Variants in PALD1 observed in about 807,000 individuals in gnomAD.
PALD1 encodes phosphatase domain containing paladin 1.
A neutral mutation model predicts 96.0 loss-of-function variants in PALD1; 57 were observed. That is an observed-to-expected ratio of 0.59 (90% CI 0.48 to 0.74). The LOEUF (loss-of-function observed/expected upper bound fraction) is 0.74. PALD1 is among the 30% of genes least tolerant of loss of function. PALD1 has a pLI of 0.00. For missense variants in PALD1, 1,063 were observed against 1,143.7 expected, an observed-to-expected ratio of 0.93 and a Z score of 1.02; for synonymous variants, 464 against 473.6, an observed-to-expected ratio of 0.98 and a Z score of 0.26.
In PALD1 at chr10:70,548,829, C is replaced by T. The variant is rs1287646871; in HGVS notation, c.2262+1383C>T. Among the ~76,000 whole-genome samples, 5 of 152,118 alleles carry T rather than the reference C, an allele frequency of 3.3e-5. No individual in the cohort carries two copies. In the East Asian group the frequency reaches 9.6e-4, roughly 29 times the overall value. On this transcript the variant is annotated intron_variant, in intron 18 of 19. Transcript: ENST00000263563. ...CCCTGATTGGGGCAAAGGGTGGATG[C>T]CTAGCTGGAAGGCAGGGCAAGGCAT...
intron 19 of PALD1, 83 bp from the exon 20 acceptor site, chr10:70,566,498 A>G: frequency 9.4e-7 from 1 of 1,059,684 alleles, no homozygotes; most frequent in Non-Finnish European, 1.4e-6. Flanking sequence ...TTCACAGGCC[A>G]CAGACTCATC....
intron 18 of PALD1, among the ~76,000 whole-genome samples, chr10:70,557,234 G>A (rs1311197760): frequency 6.6e-6 from 1 of 152,206 alleles, no homozygotes; most frequent in Non-Finnish European, 1.5e-5. Flanking sequence ...CCCTTGCTCT[G>A]TGTGCTTTGA....
chr10:70,528,201 G>A (rs1040004629), intron 2 of PALD1, among the ~76,000 whole-genome samples: 4 of 152,184 alleles, frequency 2.6e-5, no homozygotes, highest in Admixed American at 6.5e-5. Flanking sequence ...TTAACTCTGG[G>A]AGGCTCTGTC....
At chr10:70,477,708 C>T (rs1845847851), upstream of PALD1, among the ~76,000 whole-genome samples, 1 of 152,104 alleles carries the variant, frequency 6.6e-6, no homozygotes, top group Admixed American at 6.5e-5. Flanking sequence ...TTCCCCTCTC[C>T]CAGCCCAGCG....
intron 19 of PALD1, 43 bp from the exon 20 acceptor site, chr10:70,566,538 T>A (rs764249894): frequency 1.2e-5 from 19 of 1,524,764 alleles, no homozygotes; most frequent in Non-Finnish European, 1.6e-5. Flanking sequence ...AGTGGCACCC[T>A]CCCTCCCCTG....
chr10:70,482,930 A>T (rs189721908), intron 1 of PALD1, among the ~76,000 whole-genome samples: 106 of 152,282 alleles, frequency 7.0e-4, no homozygotes, highest in African/African-American at 2.4e-3. Flanking sequence ...AGAGGCCAGG[A>T]TGCTTGCACA....
At chr10:70,506,098 C>T (rs1274636700) in intron 1 of PALD1, among the ~76,000 whole-genome samples, 3 of 152,188 alleles carry the variant, frequency 2.0e-5, no homozygotes, top group African/African-American at 7.2e-5. Context: ...ATTCTTGGGC[C>T]TTACATGCAC....
chr10:70,564,578 G>A, intron 19 of PALD1, 59 bp downstream of exon 19: 1 of 1,546,050 alleles, frequency 6.5e-7, no homozygotes, highest in Non-Finnish European at 8.9e-7. Context: ...ATGGAGCTGG[G>A]TCACAGCCAC....
At chr10:70,547,837 A>G (rs1028264811) in intron 18 of PALD1, among the ~76,000 whole-genome samples, 1 of 151,912 alleles carries the variant, frequency 6.6e-6, no homozygotes, top group Admixed American at 6.6e-5. Context: ...GACAGGAGTC[A>G]GGTAGTGGGT....
In PALD1 at chr10:70,537,402, C is replaced by A. The variant is rs1181643088; in HGVS notation, c.1228-409C>A. Among the ~76,000 whole-genome samples the A allele has an allele frequency of 2.0e-5, 3 of 152,372 alleles. No individual in the cohort carries two copies. The East Asian group carries it at 5.8e-4, about 29-fold the overall frequency. ...CACAGGCGTGAGCCACCGCACCCAG[C>A]CAGGTTCCAGTTCTTAAGGGAGGGC... On this transcript the variant is annotated intron_variant, in intron 10 of 19. Coordinates refer to ENST00000263563, the MANE Select transcript of PALD1 (RefSeq NM_014431.3).
chr10:70,505,141 C>T (rs1176095107), intron 1 of PALD1, among the ~76,000 whole-genome samples: 1 of 152,172 alleles, frequency 6.6e-6, no homozygotes, highest in East Asian at 1.9e-4. Context: ...TCAGAAAAAT[C>T]TTTCTGTTTT....
chr10:70,526,626 G>A (rs1014366023), intron 2 of PALD1, among the ~76,000 whole-genome samples: 1 of 152,134 alleles, frequency 6.6e-6, no homozygotes, highest in Non-Finnish European at 1.5e-5. Flanking sequence ...ATGTTCTGGT[G>A]TTCTGAGATC....
Position 70,525,922 on chromosome 10 carries a change from G to A in PALD1, c.-29-1G>A. ...TCACTGCACACCCTCTTATCCTACA[G>A]GTCTGGGGTCCTGAGGCTGCTGGCA... On this transcript the variant is annotated splice_acceptor_variant, in intron 1 of 19. Transcript: ENST00000263563. LOFTEE classifies it low-confidence loss of function (5UTR_SPLICE). 6.2e-7 allele frequency: 1 copy of A among 1,612,874 alleles called. No homozygotes were observed. The highest frequency in any genetic ancestry group is 1.3e-5 in the African/African-American group (1 of 75,008).
intron 18 of PALD1, among the ~76,000 whole-genome samples, chr10:70,554,741 T>A (rs67444214): frequency 0.36 from 55,218 of 151,616 alleles, 10,822 homozygotes; most frequent in East Asian, 0.73. Context: ...AGTGTTGGGT[T>A]TTTAAAACAG....
chr10:70,477,629 C>T (rs559736140), upstream of PALD1, among the ~76,000 whole-genome samples: 2 of 152,318 alleles, frequency 1.3e-5, no homozygotes, highest in East Asian at 3.9e-4. Context: ...GTGCTAGGGA[C>T]ATGGTGAGAC....
At chr10:70,526,254 A>G in intron 2 of PALD1, 118 bp downstream of exon 2, 1 of 776,374 alleles carries the variant, frequency 1.3e-6, no homozygotes, top group Non-Finnish European at 2.1e-6. Context: ...GGGTTCATAG[A>G]TGATGACACT....
chr10:70,530,149 G>T, intron 4 of PALD1, 81 bp downstream of exon 4: 1 of 1,172,040 alleles, frequency 8.5e-7, no homozygotes, highest in South Asian at 1.5e-5. Context: ...CTTTAGAGGC[G>T]CTGGAGGGGC....
intron 18 of PALD1, among the ~76,000 whole-genome samples, chr10:70,551,446 T>G (rs934399605): frequency 3.3e-5 from 5 of 152,166 alleles, no homozygotes; most frequent in African/African-American, 1.2e-4. Context: ...TGGGTAGGGC[T>G]TTATCCCCTC....
At position 70,538,921 on chromosome 10, in the gene PALD1, G is replaced by A. The variant is rs145017915; in HGVS notation, c.1482G>A (p.Ala494=). Residue 494 remains alanine, a synonymous_variant, in exon 13 of 20, where the codon GCG becomes GCA. Transcript: ENST00000263563. Reference sequence around the variant, plus strand: ...AGGACGATCTGGTCTCCCCGGACGCGCTCAGCACTGTCAGAGAGATGGATG... The same window carrying A: ...AGGACGATCTGGTCTCCCCGGACGCACTCAGCACTGTCAGAGAGATGGATG... ...LREDDLVSPD[A]LSTVREMDVA... 14 of 1,613,560 alleles carry A rather than the reference G, an allele frequency of 8.7e-6. No homozygotes were observed. Among genetic ancestry groups the A allele is most frequent in the Non-Finnish European group, 5.9e-6 (7 of 1,179,980 alleles).
Sources: allele counts gnomAD v4.1 joint callset (sites outside exome capture counted in the v4.1 genomes callset), GRCh38; gene constraint gnomAD v4.1.1; transcripts MANE v1.5; gene names NCBI Gene and HGNC (gene_info 2026-07-23, HGNC 2026-07-21).